The following CASP1 variants were observed in gnomAD, a reference collection of about 807,000 sequenced individuals.
The protein encoded by CASP1 is caspase 1.
CASP1 carries 31 observed loss-of-function variants against 41.2 expected under a neutral mutation model. The observed-to-expected ratio is 0.75, with a 90% CI of 0.57 to 1.02. CASP1 has a LOEUF of 1.02. CASP1 is among the 50% of genes least tolerant of loss of function. The pLI is 0.00. For missense variants in CASP1, 490 were observed against 495.7 expected, an observed-to-expected ratio of 0.99 and a Z score of 0.11; for synonymous variants, 163 against 166.5, an observed-to-expected ratio of 0.98 and a Z score of 0.16.
Position 105,033,681 on chromosome 11 carries a change from G to A in CASP1, c.274+527C>T, listed in dbSNP as rs148322930. Among the ~76,000 whole-genome samples, 358 of 152,332 alleles carry A rather than the reference G, an allele frequency of 2.4e-3. 3 individuals carry two copies. Among genetic ancestry groups the A allele is most frequent in the African/African-American group, 8.4e-3 (350 of 41,590 alleles). ...AATACAAGGAGGCAACTGGAGGAAT[G>A]AGCCCATTAGAAATCTTCACTTTTC... On this transcript the variant is annotated intron_variant, in intron 2 of 8. Transcript: ENST00000533400.
upstream of CASP1, chr11:105,035,179 G>A: frequency 6.2e-7 from 1 of 1,604,526 alleles, no homozygotes; most frequent in Non-Finnish European, 8.5e-7. Context: ...CTTTTTGGCA[G>A]GGCCTGTACA....
Position 105,025,985 on chromosome 11 carries a change from A to T in CASP1, c.*273T>A, listed in dbSNP as rs1216141345. The T allele has an allele frequency of 3.1e-6, 1 of 323,762 alleles. No individual in the cohort carries two copies. The highest frequency in any genetic ancestry group is 5.7e-6 in the Non-Finnish European group (1 of 175,692). The allele number at this position is 323,762 out of a possible 1,614,324, so 20.1% of individuals were successfully genotyped here. ...ATTTCAGATATTTTTGTATATTGGA[A>T]TTCAGCTGTATACTTACTGGTTTAG... is the stretch of plus-strand genomic sequence containing the variant. On this transcript the variant is annotated 3_prime_UTR_variant, in exon 9 of 9. Coordinates refer to ENST00000533400, the MANE Select transcript of CASP1 (RefSeq NM_001257118.3).
At chr11:105,027,816 G>C (rs1193800392) in intron 7 of CASP1, among the ~76,000 whole-genome samples, 1 of 152,122 alleles carries the variant, frequency 6.6e-6, no homozygotes, top group Non-Finnish European at 1.5e-5. Context: ...TAAGGAAGTA[G>C]ATAATTATTT....
intron 2 of CASP1, 172 bp downstream of exon 2, chr11:105,034,036 A>G: frequency 9.1e-7 from 1 of 1,097,592 alleles, no homozygotes; most frequent in Non-Finnish European, 1.4e-6. Context: ...GATTAAGGAA[A>G]AGAATCAAAG....
At chr11:105,034,854 G>T (rs903262821) in intron 1 of CASP1, among the ~76,000 whole-genome samples, 1 of 152,160 alleles carries the variant, frequency 6.6e-6, no homozygotes, top group African/African-American at 2.4e-5. Flanking sequence ...CTTTCAACAT[G>T]TAAGTAAGAG....
chr11:105,035,225 T>A, upstream of CASP1: 1 of 1,360,650 alleles, frequency 7.3e-7, no homozygotes, highest in Admixed American at 1.7e-5. Flanking sequence ...TGCATATGCA[T>A]GTCTTTATTT....
intron 4 of CASP1, 95 bp from the exon 5 acceptor site, chr11:105,030,598 C>G: frequency 2.9e-6 from 3 of 1,022,236 alleles, no homozygotes; most frequent in Non-Finnish European, 4.3e-6. Flanking sequence ...TTAGTCCTAT[C>G]AAGATACCAA....
In CASP1 at chr11:105,026,258, T is replaced by A. The variant is rs1193925015; in HGVS notation, c.1215A>T (p.Ter405TyrextTer6). 6.3e-7 allele frequency: 1 copy of A among 1,591,012 alleles called. No individual in the cohort carries two copies. Residue 405 changes from the stop codon to tyrosine (Y), a stop_lost, in exon 9 of 9, where the codon TAA (stop) becomes TAT (tyrosine). Coordinates refer to ENST00000533400, the MANE Select transcript of CASP1 (RefSeq NM_001257118.3). Reference protein sequence around the residue: ...TRCFYLFPGH* With the variant: ...TRCFYLFPGHY ...CAGACATTCATACAGTTTCCTTATT[T>A]TAATGTCCTGGGAAGAGGTAGAAAC...
At chr11:105,026,641 A>T (rs551594119) in intron 8 of CASP1, 49 of 601,586 alleles carry the variant, frequency 8.1e-5, no homozygotes, top group Admixed American at 2.7e-4. Context: ...AAACTAAATG[A>T]TTGTTTTCTC....
Position 105,025,861 on chromosome 11 carries a change from GTGCTC to G in CASP1, c.*392_*396del. On this transcript the variant is annotated 3_prime_UTR_variant, in exon 9 of 9. Coordinates refer to ENST00000533400, the MANE Select transcript of CASP1 (RefSeq NM_001257118.3). ...TGAAAAACTTTGGGAGAAGAGCAAC[GTGCTC>G]TGCACTGACCAGAAGAAAGGCATTA... 4.2e-6 allele frequency: 1 copy of G among 239,118 alleles called. No individual in the cohort carries two copies. 14.8% of individuals were successfully genotyped at this position (239,118 alleles called of 1,614,324 possible). A position where few individuals can be genotyped will look rare whatever the true frequency, so the allele number is the denominator to read the frequency against.
At chr11:105,033,235 C>T (rs1174347701) in intron 2 of CASP1, 109 bp from the exon 3 acceptor site, 4 of 617,972 alleles carry the variant, frequency 6.5e-6, no homozygotes, top group African/African-American at 3.8e-5. Flanking sequence ...CACTGACTGA[C>T]TGACTGACAT....
At chr11:105,029,081 A>T in intron 7 of CASP1, 43 bp downstream of exon 7, 2 of 1,581,380 alleles carry the variant, frequency 1.3e-6, no homozygotes, top group Admixed American at 3.7e-5. Flanking sequence ...CACTTTTTCT[A>T]TTGATAGCCC....
intron 4 of CASP1, chr11:105,030,943 C>T (rs2134838273): frequency 2.0e-6 from 1 of 488,162 alleles, no homozygotes; most frequent in East Asian, 3.6e-5. Flanking sequence ...CATTCAATAG[C>T]TGTCATCACT....
At position 105,030,342 on chromosome 11, in the gene CASP1, AT is replaced by A. The variant is rs746543598; in HGVS notation, c.614del (p.Asn205IlefsTer7). On this transcript the variant is annotated frameshift_variant, in exon 5 of 9. Transcript: ENST00000533400. LOFTEE classifies it high-confidence loss of function. ...TAATAGAACTTACCGAAGCAGTGAGATTTTTTTTCACATCTACGCTGTACCC... is the reference window on the plus strand; with the variant it reads ...TAATAGAACTTACCGAAGCAGTGAGATTTTTTTCACATCTACGCTGTACCC... ...NLGYSVDVKK[N>X]LTASDMTTEL... is the part of the protein sequence containing the mutation. 8.7e-6 allele frequency: 14 copies of A among 1,611,218 alleles called. No homozygotes were observed. Among genetic ancestry groups the A allele is most frequent in the Middle Eastern group, 1.7e-4 (1 of 6,056 alleles).
intron 4 of CASP1, 100 bp downstream of exon 4, chr11:105,031,065 C>T: frequency 1.4e-6 from 1 of 710,572 alleles, no homozygotes. Context: ...TTCTCCAGAA[C>T]TGCTCAATGA....
upstream of CASP1, among the ~76,000 whole-genome samples, chr11:105,035,616 C>CTTTTTCTT (rs770202897): frequency 3.8e-5 from 2 of 52,072 alleles, no homozygotes; most frequent in African/African-American, 1.0e-4. Flanking sequence ...TTTTTTCTTT[C>CTTTTTCTT]TGTTTTTTTT....
At position 105,034,416 on chromosome 11, in the gene CASP1, T is replaced by A. The variant is rs780672041; in HGVS notation, c.66A>T (p.Ile22=). The A allele has an allele frequency of 1.2e-6, 2 of 1,614,058 alleles. No individual in the cohort carries two copies. The highest frequency in any genetic ancestry group is 2.7e-5 in the African/African-American group (2 of 74,922). ...GTAATAATTCATCCAGTAAGCCATT[T>A]ATTGTACCTTCACCCATGGAACGGA... is the stretch of plus-strand genomic sequence containing the variant. The part of the protein sequence containing the change: ...LFIRSMGEGT[I]NGLLDELLQT... The change falls in exon 2 of 9, where the codon ATA becomes ATT. Residue 22 remains isoleucine (I), a synonymous_variant. Transcript: ENST00000533400.
chr11:105,030,312 T>C lies in CASP1; in HGVS notation c.627+18A>G, dbSNP rs770928654. 5.0e-6 allele frequency: 8 copies of C among 1,597,268 alleles called. No individual in the cohort carries two copies. In the African/African-American group the frequency reaches 6.7e-5, roughly 13 times the overall value. ...ACGAAGGGCATAACCATTGTTTCTG[T>C]TGTATAATAGAACTTACCGAAGCAG... On this transcript the variant is annotated intron_variant, in intron 5 of 8. Coordinates refer to ENST00000533400, the MANE Select transcript of CASP1 (RefSeq NM_001257118.3).
chr11:105,034,324 T>C lies in CASP1; in HGVS notation c.158A>G (p.Lys53Arg). 6.2e-7 allele frequency: 1 copy of C among 1,614,152 alleles called. No individual in the cohort carries two copies. The highest frequency in any genetic ancestry group is 1.1e-5 in the South Asian group (1 of 91,090). Residue 53 changes from lysine (K) to arginine (R), a missense_variant, in exon 2 of 9, where the codon AAG (lysine) becomes AGG (arginine). By Grantham distance (26) the Lys-to-Arg change is conservative. Coordinates refer to ENST00000533400, the MANE Select transcript of CASP1 (RefSeq NM_001257118.3). ...VKRENATVMD[K>R]TRALIDSVIP... ...AACGGAGTCAATCAAAGCTCGGGTC[T>C]TATCCATAACTGTAGCATTTTCACG...
Sources: allele counts gnomAD v4.1 joint callset (sites outside exome capture counted in the v4.1 genomes callset), GRCh38; gene constraint gnomAD v4.1.1; transcripts MANE v1.5; gene names NCBI Gene and HGNC (gene_info 2026-07-23, HGNC 2026-07-21).